FAT3: variants seen among roughly 807,000 people sequenced by gnomAD.
The protein encoded by FAT3 is FAT atypical cadherin 3.
FAT3 carries 95 observed loss-of-function variants against 310.2 expected under a neutral mutation model. The observed-to-expected ratio is 0.31, with a 90% CI of 0.26 to 0.36. FAT3 has a LOEUF of 0.36. Ranked by LOEUF, FAT3 falls within the 10% of genes least tolerant of loss-of-function variation. FAT3 has a pLI of 1.00. For missense variants in FAT3, 5,408 were observed against 5,715.6 expected (o/e 0.95, Z 1.74); for synonymous variants, 2,314 against 2,192.9 (o/e 1.06, Z -1.54).
rs571655092 is a variant in FAT3, at chr11:92,805,426, T to G, written c.9093+77T>G. ...TAAAAACCCATTTCACTTTTCTTCT[T>G]AAGGCCAGGCAAACTTCTGCTCTTA... is the stretch of plus-strand genomic sequence containing the variant. On this transcript the variant is annotated intron_variant, in intron 11 of 27. Transcript: ENST00000525166. The G allele has an allele frequency of 1.0e-5, 15 of 1,461,162 alleles. No homozygotes were observed. In the East Asian group the frequency reaches 3.0e-4, roughly 29 times the overall value. 90.5% of individuals were successfully genotyped at this position (1,461,162 alleles called of 1,614,324 possible).
chr11:92,467,030 C>T (rs1951780392), intron 2 of FAT3, among the ~76,000 whole-genome samples: 1 of 151,994 alleles, frequency 6.6e-6, no homozygotes, highest in Non-Finnish European at 1.5e-5. Flanking sequence ...GTGAATAGTG[C>T]CGCAATAAAC....
intron 1 of FAT3, among the ~76,000 whole-genome samples, chr11:92,291,784 T>C (rs964983728): frequency 5.9e-5 from 9 of 152,048 alleles, no homozygotes. Flanking sequence ...GCATGCAAAT[T>C]CTCCAACACA....
chr11:92,446,438 C>G (rs1951210571), intron 2 of FAT3, among the ~76,000 whole-genome samples: 1 of 152,092 alleles, frequency 6.6e-6, no homozygotes. Flanking sequence ...GGCATATCCA[C>G]CAACTCCTCA....
chr11:92,576,629 C>G (rs1202345850), intron 3 of FAT3, among the ~76,000 whole-genome samples: 2 of 152,124 alleles, frequency 1.3e-5, no homozygotes, highest in Admixed American at 1.3e-4. Flanking sequence ...AATACCTCCT[C>G]TGACAGCCAG....
intron 2 of FAT3, 100 bp downstream of exon 2, chr11:92,355,504 A>G: frequency 8.2e-7 from 1 of 1,220,038 alleles, no homozygotes; most frequent in South Asian, 1.6e-5. Context: ...TAGAATGACA[A>G]ATGAGGTTGC....
At chr11:92,341,238 T>A (rs1370437189) in intron 1 of FAT3, among the ~76,000 whole-genome samples, 1 of 152,204 alleles carries the variant, frequency 6.6e-6, no homozygotes, top group East Asian at 1.9e-4. Flanking sequence ...TAAGTGAGCA[T>A]ACAGGAAGAG....
At chr11:92,832,198 T>A (rs1948280639) in intron 14 of FAT3, among the ~76,000 whole-genome samples, 187 bp downstream of exon 14, 1 of 152,098 alleles carries the variant, frequency 6.6e-6, no homozygotes, top group Non-Finnish European at 1.5e-5. Context: ...TAGCCAAGCA[T>A]GGTGGTATGC....
intron 2 of FAT3, among the ~76,000 whole-genome samples, chr11:92,383,267 C>T (rs1949541640): frequency 1.3e-5 from 2 of 152,120 alleles, no homozygotes; most frequent in Admixed American, 1.3e-4. Flanking sequence ...AATCTATGTC[C>T]TTGCTATTGT....
chr11:92,691,316 C>G (rs1943792834), intron 3 of FAT3, among the ~76,000 whole-genome samples: 1 of 152,194 alleles, frequency 6.6e-6, no homozygotes, highest in Non-Finnish European at 1.5e-5. Context: ...ATGACTTTGC[C>G]AATGCTCCAC....
chr11:92,502,414 A>G lies in FAT3; in HGVS notation c.3293-22220A>G, dbSNP rs377099522. ...CAATGCATCAGGAGTATTGCATTAGAAGATATTTTCACTCTGAATAACATC... is the reference window on the plus strand; with the variant it reads ...CAATGCATCAGGAGTATTGCATTAGGAGATATTTTCACTCTGAATAACATC... On this transcript the variant is annotated intron_variant, in intron 2 of 27. Transcript: ENST00000525166. Among the ~76,000 whole-genome samples, 4 of 152,082 alleles carry G rather than the reference A, an allele frequency of 2.6e-5. No individual in the cohort carries two copies. The East Asian group carries it at 7.7e-4, about 29-fold the overall frequency.
chr11:92,590,720 TTATTGCCTATTCATTA>T (rs1386298269), intron 3 of FAT3, among the ~76,000 whole-genome samples: 2 of 152,144 alleles, frequency 1.3e-5, no homozygotes, highest in Admixed American at 6.6e-5. Flanking sequence ...AAGCAAGGGT[TTATTGCCTATTCATTA>T]TATGCTGGGC....
rs1162498097 is a variant in FAT3 at position 92,883,398 on chromosome 11, G to A, written c.12937+5G>A. The A allele has an allele frequency of 6.3e-7, 1 of 1,592,062 alleles. No homozygotes were observed. Among genetic ancestry groups the A allele is most frequent in the Non-Finnish European group, 8.6e-7 (1 of 1,167,844 alleles). ...GCTGGGACGCGGGAACTGAGAGTGAGTAGGAAGTGGTAATGCTCACCCCTC... is the reference window on the plus strand; with the variant it reads ...GCTGGGACGCGGGAACTGAGAGTGAATAGGAAGTGGTAATGCTCACCCCTC... On this transcript the variant is annotated splice_donor_5th_base_variant and intron_variant, in intron 24 of 27. Coordinates refer to ENST00000525166, the MANE Select transcript of FAT3 (RefSeq NM_001367949.2). This position sits in a 1 kb window ranked among gnomAD's most constrained non-coding sequence, Gnocchi z 4.2.
chr11:92,487,849 C>G (rs1192077765), intron 2 of FAT3, among the ~76,000 whole-genome samples: 1 of 152,208 alleles, frequency 6.6e-6, no homozygotes, highest in Non-Finnish European at 1.5e-5. Context: ...GCATGCACCA[C>G]AGTCATCTGG....
intron 3 of FAT3, among the ~76,000 whole-genome samples, chr11:92,607,482 A>G (rs949975012): frequency 2.6e-5 from 4 of 152,112 alleles, no homozygotes; most frequent in Admixed American, 6.6e-5. Flanking sequence ...TTGCCTTCTG[A>G]GGGGACTTTA....
intron 3 of FAT3, among the ~76,000 whole-genome samples, chr11:92,685,775 T>C (rs937960413): frequency 6.6e-6 from 1 of 151,942 alleles, no homozygotes; most frequent in East Asian, 1.9e-4. Flanking sequence ...CCTGGAGAAG[T>C]CACAGTCTAT....
chr11:92,366,928 G>C, intron 2 of FAT3: 1 of 531,012 alleles, frequency 1.9e-6, no homozygotes, highest in Non-Finnish European at 3.8e-6. Context: ...CCTGGGCCTC[G>C]CCATGCTTTG....
intron 1 of FAT3, among the ~76,000 whole-genome samples, chr11:92,234,646 G>C (rs1463123472): frequency 6.6e-6 from 1 of 152,084 alleles, no homozygotes. Flanking sequence ...GCTCATGCCT[G>C]TAATCCCAGC....
At chr11:92,888,093 G>A (rs932763985) in intron 25 of FAT3, among the ~76,000 whole-genome samples, 4 of 152,154 alleles carry the variant, frequency 2.6e-5, no homozygotes, top group South Asian at 4.1e-4. Flanking sequence ...ACAGAAACAG[G>A]TGAGCTCCAA....
Position 92,844,410 on chromosome 11 carries a change from G to A in FAT3, c.11043G>A (p.Lys3681=). 1 of 1,613,980 alleles carries A rather than the reference G, an allele frequency of 6.2e-7. No individual in the cohort carries two copies. The change falls in exon 19 of 28, where the codon AAG becomes AAA. Residue 3681 remains lysine (K), a synonymous_variant. Coordinates refer to ENST00000525166, the MANE Select transcript of FAT3 (RefSeq NM_001367949.2). ...RTLRNAVLTQ[K]QDSLRIISIQ... The stretch of plus-strand genomic sequence containing the variant: ...TGCGGAATGCAGTCCTCACCCAGAA[G>A]CAGGACAGCCTGCGCATCATCAGCA...
Sources: gnomAD v4.1 joint callset for allele counts (sites outside exome capture counted in the v4.1 genomes callset) on GRCh38, gnomAD v4.1.1 for gene constraint, Gnocchi (gnomAD v3.1) non-coding constraint, MANE v1.5 for transcripts, NCBI Gene and HGNC (gene_info 2026-07-23, HGNC 2026-07-21) for gene names.